The following MPDZ variants were observed in gnomAD, a reference collection of about 807,000 sequenced individuals.
MPDZ encodes multiple PDZ domain protein.
A neutral mutation model predicts 239.1 loss-of-function variants in MPDZ; 234 were observed. That is an observed-to-expected ratio of 0.98 (90% CI 0.88 to 1.09). The LOEUF is 1.09. MPDZ is among the 50% of genes least tolerant of loss of function. The probability of loss-of-function intolerance (pLI) is 0.00; values close to 1 mark genes in which losing one functional copy is unlikely to be tolerated. For synonymous variants in MPDZ, 1,048 were observed against 881.3 expected (o/e 1.19, Z -3.35); for missense variants, 3,175 against 2,510.0 (o/e 1.26, Z -5.66).
At position 13,224,427 on chromosome 9, in the gene MPDZ, T is replaced by G. The variant is rs896238475; in HGVS notation, c.340A>C (p.Asn114His). The G allele has an allele frequency of 4.3e-6, 7 of 1,612,942 alleles. No individual in the cohort carries two copies. Among genetic ancestry groups the G allele is most frequent in the Non-Finnish European group, 5.9e-6 (7 of 1,179,252 alleles). Reference sequence around the variant, plus strand: ...AATTCATCACAAGCAGGTTTCCCATTAATGTGTGGAATACCAGGTCCTGTA... The same window carrying G: ...AATTCATCACAAGCAGGTTTCCCATGAATGTGTGGAATACCAGGTCCTGTA... Reference protein sequence around the residue: ...ALTGPGIPHINGKPACDEFDQ... With the variant: ...ALTGPGIPHIHGKPACDEFDQ... The change falls in exon 4 of 47, where the codon AAT becomes CAT. Residue 114 changes from asparagine to histidine, a missense_variant. Physicochemically the swap from Asn to His is moderately conservative, Grantham distance 68. Transcript: ENST00000319217.
At chr9:13,135,669 C>T (rs968458165) in intron 31 of MPDZ, 3 of 153,500 alleles carry the variant, frequency 2.0e-5, no homozygotes, top group African/African-American at 7.2e-5. Context: ...AGCTTCCATT[C>T]CCTGCCCCTC....
At chr9:13,148,092 T>C (rs1254792173) in intron 25 of MPDZ, among the ~76,000 whole-genome samples, 1 of 152,072 alleles carries the variant, frequency 6.6e-6, no homozygotes. Flanking sequence ...TATAATTTTC[T>C]CTGTACAGGG....
chr9:13,190,971 T>C (rs1179539585), intron 15 of MPDZ, among the ~76,000 whole-genome samples: 1 of 152,150 alleles, frequency 6.6e-6, no homozygotes, highest in Non-Finnish European at 1.5e-5. Flanking sequence ...GGATTCAAAA[T>C]ACTAGGTTAA....
At position 13,163,768 on chromosome 9, in the gene MPDZ, C is replaced by T. The variant is rs1052033975; in HGVS notation, c.3255-973G>A. ...TTAAAATAATAAGTATACAAAACCT[C>T]AGCACTGGAGGGCAAAGATAAAAAG... On this transcript the variant is annotated intron_variant, in intron 22 of 46. Coordinates refer to ENST00000319217, the MANE Select transcript of MPDZ (RefSeq NM_001378778.1). Among the ~76,000 whole-genome samples the T allele has an allele frequency of 3.4e-4, 52 of 152,056 alleles. 2 individuals are homozygous for T. Among genetic ancestry groups the T allele is most frequent in the Non-Finnish European group, 1.0e-4 (7 of 68,010 alleles).
At chr9:13,145,518 T>C (rs1948318372) in intron 26 of MPDZ, among the ~76,000 whole-genome samples, 1 of 152,086 alleles carries the variant, frequency 6.6e-6, no homozygotes, top group African/African-American at 2.4e-5. Flanking sequence ...CAATTACCAG[T>C]AAGAGACTTT....
intron 1 of MPDZ, chr9:13,276,447 TTTA>T (rs1340574129): frequency 1.3e-5 from 2 of 152,230 alleles, no homozygotes; most frequent in Non-Finnish European, 2.9e-5. Context: ...AAATGAAACC[TTTA>T]TTGTTATAAA....
chr9:13,116,210 G>T (rs932170909), intron 39 of MPDZ, among the ~76,000 whole-genome samples: 1 of 152,158 alleles, frequency 6.6e-6, no homozygotes, highest in Non-Finnish European at 1.5e-5. Context: ...AGTCTAATAT[G>T]AAGTAGCACA....
chr9:13,158,234 A>AT (rs1202769550), intron 23 of MPDZ, 124 bp from the exon 24 acceptor site: 1 of 676,588 alleles, frequency 1.5e-6, no homozygotes, highest in Admixed American at 2.9e-5. Context: ...ATACATGGCC[A>AT]TAAGTATAAA....
In MPDZ at chr9:13,126,766, C is replaced by T. The variant is rs376550385; in HGVS notation, c.4471G>A (p.Gly1491Arg). The T allele has an allele frequency of 1.1e-5, 18 of 1,613,542 alleles. No homozygotes were observed. The African/African-American group carries it at 2.3e-4, about 20-fold the overall frequency. Reference sequence around the variant, plus strand: ...TCGCTGATAGCAATACCCAAACCCCCCTGATCCTAGAAAAGTAAAAACAAA... The same window carrying T: ...TCGCTGATAGCAATACCCAAACCCCTCTGATCCTAGAAAAGTAAAAACAAA... ...VQHLELPKDQ[G>R]GLGIAISEED... The change falls in exon 33 of 47, where the codon GGG (glycine) becomes AGG (arginine). Residue 1491 changes from glycine (G) to arginine (R), a missense_variant. By Grantham distance (125) the Gly-to-Arg change is moderately radical. Transcript: ENST00000319217.
chr9:13,268,707 A>C lies in MPDZ; in HGVS notation c.-58+10693T>G, dbSNP rs115351441. Among the ~76,000 whole-genome samples the C allele has an allele frequency of 5.4e-3, 818 of 152,304 alleles. 11 individuals carry two copies. The highest frequency in any genetic ancestry group is 0.018 in the African/African-American group (758 of 41,568). On this transcript the variant is annotated intron_variant, in intron 1 of 46. Coordinates refer to ENST00000319217, the MANE Select transcript of MPDZ (RefSeq NM_001378778.1). Reference sequence around the variant, plus strand: ...AGCAGTAAAGGGAAAGGCATTTCTCACTAAGGGAAGGACATCTGCTAAGGC... The same window carrying C: ...AGCAGTAAAGGGAAAGGCATTTCTCCCTAAGGGAAGGACATCTGCTAAGGC...
At chr9:13,126,928 T>C (rs1166894986) in intron 32 of MPDZ, among the ~76,000 whole-genome samples, 156 bp from the exon 33 acceptor site, 3 of 152,230 alleles carry the variant, frequency 2.0e-5, no homozygotes, top group Non-Finnish European at 4.4e-5. Flanking sequence ...TCTTGTCTTT[T>C]CTTAAACAAA....
rs1252816397 is a variant in MPDZ, at chr9:13,250,305, G to A, written c.11C>T (p.Ala4Val). 2.5e-6 allele frequency: 4 copies of A among 1,594,078 alleles called. No individual in the cohort carries two copies. The highest frequency in any genetic ancestry group is 2.3e-5 in the East Asian group (1 of 44,346). MLE[A>V]IDKNRALHAA... ...CAGAAAAGAATAAGTCTTACCAATG[G>A]CTTCCAACATTTTTTTCAAAGTTCA... The change falls in exon 2 of 47, where the codon GCC becomes GTC. Residue 4 changes from alanine (A) to valine (V), a missense_variant. Coordinates refer to ENST00000319217, the MANE Select transcript of MPDZ (RefSeq NM_001378778.1).
chr9:13,177,758 T>C (rs140724390), intron 19 of MPDZ, among the ~76,000 whole-genome samples: 24 of 152,230 alleles, frequency 1.6e-4, no homozygotes, highest in South Asian at 4.1e-4. Flanking sequence ...CTATGCCTAA[T>C]TGGGGAAATT....
At chr9:13,141,842 T>C (rs1947744047) in intron 27 of MPDZ, among the ~76,000 whole-genome samples, 2 of 152,296 alleles carry the variant, frequency 1.3e-5, no homozygotes, top group South Asian at 4.1e-4. Flanking sequence ...ATCTGCTATA[T>C]TGAAATGTTC....
chr9:13,137,908 T>G, intron 29 of MPDZ, 49 bp downstream of exon 29: 4 of 1,570,772 alleles, frequency 2.5e-6, no homozygotes, highest in Non-Finnish European at 3.5e-6. Context: ...GACAGTTCCA[T>G]TACCCTTATA....
At chr9:13,116,131 C>T (rs1943411719) in intron 39 of MPDZ, among the ~76,000 whole-genome samples, 2 of 152,056 alleles carry the variant, frequency 1.3e-5, no homozygotes, top group Non-Finnish European at 1.5e-5. Flanking sequence ...CAACACAAAA[C>T]ATGAACTGAA....
chr9:13,135,940 T>G (rs979908372), intron 31 of MPDZ, 152 bp downstream of exon 31: 6 of 540,700 alleles, frequency 1.1e-5, no homozygotes, highest in African/African-American at 9.7e-5. Context: ...CATGAGTGTC[T>G]TCTTATACTA....
intron 24 of MPDZ, among the ~76,000 whole-genome samples, chr9:13,154,722 C>A (rs1949614360): frequency 6.6e-6 from 1 of 152,096 alleles, no homozygotes; most frequent in South Asian, 2.1e-4. Flanking sequence ...AGATATGAAA[C>A]TGAAACTCAA....
At chr9:13,112,224 C>T in intron 42 of MPDZ, 78 bp from the exon 43 acceptor site, 1 of 1,367,212 alleles carries the variant, frequency 7.3e-7, no homozygotes, top group Middle Eastern at 2.0e-4. Flanking sequence ...GGCATGATAT[C>T]TATAGTCAAC....
Sources: gnomAD v4.1 joint callset for allele counts (sites outside exome capture counted in the v4.1 genomes callset) on GRCh38, gnomAD v4.1.1 for gene constraint, MANE v1.5 for transcripts, NCBI Gene and HGNC (gene_info 2026-07-23, HGNC 2026-07-21) for gene names.